Variants in KLK12 observed in about 807,000 individuals in gnomAD.
KLK12 encodes kallikrein-12.
Under a neutral mutation model 20.0 loss-of-function variants are expected in KLK12, and 23 were observed. The ratio of observed to expected loss-of-function variants is 1.15; its 90% CI spans 0.83 to 1.63. KLK12 has a LOEUF of 1.63. Ranked by LOEUF, KLK12 falls within the 40% of genes most tolerant of loss-of-function variation. The pLI is 0.00. For synonymous variants in KLK12, 147 were observed against 141.9 expected (o/e 1.04, Z -0.25); for missense variants, 351 against 338.6 (o/e 1.04, Z -0.29).
chr19:51,033,758 G>A (rs1241830164), intron 3 of KLK12: 14 of 602,434 alleles, frequency 2.3e-5, no homozygotes, highest in Non-Finnish European at 3.3e-5. Flanking sequence ...GAGGCAGGAG[G>A]GCAGGTTCCA....
At chr19:51,034,509 G>C in intron 2 of KLK12, 76 bp downstream of exon 2, 1 of 1,568,438 alleles carries the variant, frequency 6.4e-7, no homozygotes, top group East Asian at 2.3e-5. Context: ...GAGATGGGGA[G>C]GGTGGTGGGG....
rs151092558 is a variant in KLK12 at position 51,032,066 on chromosome 19, G to A, written c.267C>T (p.Ser89=). ...QLDWTEQIRH[S]GFSVTHPGYL... ...AGCCGGGATGGGTCACAGAGAAGCC[G>A]CTGTGCCGGATCTGCTCGGTCCAGT... The change falls in exon 4 of 6, where the codon AGC becomes AGT. Residue 89 remains serine, a synonymous_variant. Coordinates refer to ENST00000684732, the MANE Select transcript of KLK12 (RefSeq NM_001370125.1). 996 of 1,604,406 alleles carry A rather than the reference G, an allele frequency of 6.2e-4. 7 individuals carry two copies. The highest frequency in any genetic ancestry group is 2.5e-4 in the Non-Finnish European group (289 of 1,177,322).
chr19:51,034,095 A>G lies in KLK12; in HGVS notation c.82T>C (p.Cys28Arg), dbSNP rs1332928606. Residue 28 changes from cysteine (C) to arginine (R), a missense_variant, in exon 3 of 6, where the codon TGT becomes CGT. Coordinates refer to ENST00000684732, the MANE Select transcript of KLK12 (RefSeq NM_001370125.1). ...TGCCACGGCTGTGAGTTACGCCCACACTCAGTGCCATTGAAAATCTTCGGT... is the reference window on the plus strand; with the variant it reads ...TGCCACGGCTGTGAGTTACGCCCACGCTCAGTGCCATTGAAAATCTTCGGT... ...ATPKIFNGTECGRNSQPWQVG... is the reference protein window; with the variant it reads ...ATPKIFNGTERGRNSQPWQVG... The G allele has an allele frequency of 6.4e-7, 1 of 1,562,308 alleles. No individual in the cohort carries two copies. Among genetic ancestry groups the G allele is most frequent in the Admixed American group, 1.9e-5 (1 of 52,174 alleles).
intron 5 of KLK12, among the ~76,000 whole-genome samples, chr19:51,029,800 T>C (rs1478318677): frequency 6.6e-6 from 1 of 151,880 alleles, no homozygotes; most frequent in Non-Finnish European, 1.5e-5. Context: ...TCGAGCATTC[T>C]CTCAAGGACA....
chr19:51,031,005 C>A, intron 4 of KLK12, 84 bp from the exon 5 acceptor site: 2 of 1,529,596 alleles, frequency 1.3e-6, no homozygotes, highest in Non-Finnish European at 1.8e-6. Context: ...TGTGGCCCAT[C>A]CATGTCAATA....
chr19:51,034,238 G>C (rs867949299), intron 2 of KLK12, 99 bp from the exon 3 acceptor site: 2 of 1,371,368 alleles, frequency 1.5e-6, no homozygotes, highest in East Asian at 2.5e-5. Context: ...GAGAGAGAGA[G>C]GAGAAAGAGA....
chr19:51,029,550 G>A (rs1043141406), intron 5 of KLK12, 93 bp from the exon 6 acceptor site: 2 of 1,037,792 alleles, frequency 1.9e-6, no homozygotes, highest in African/African-American at 1.6e-5. Context: ...GCCTTGGGGA[G>A]GGCTCCAAGT....
intron 4 of KLK12, among the ~76,000 whole-genome samples, chr19:51,031,595 C>CATACATACATATATATATAT (rs6146546): frequency 2.5e-5 from 3 of 120,394 alleles, no homozygotes; most frequent in East Asian, 2.5e-4. Context: ...CCTATACATA[C>CATACATACATATATATATAT]ATATATATAT....
At chr19:51,034,273 A>C in intron 2 of KLK12, 134 bp from the exon 3 acceptor site, 1 of 1,219,998 alleles carries the variant, frequency 8.2e-7, no homozygotes, top group Non-Finnish European at 1.2e-6. Flanking sequence ...AGAAAGAGAG[A>C]GAGACCCAGT....
chr19:51,029,443 G>A lies in KLK12; in HGVS notation c.606C>T (p.Gly202=). 4 of 1,612,176 alleles carry A rather than the reference G, an allele frequency of 2.5e-6. No individual in the cohort carries two copies. Among genetic ancestry groups the A allele is most frequent in the South Asian group, 1.1e-5 (1 of 91,034 alleles). Residue 202 remains glycine, a synonymous_variant, in exon 6 of 6, where the codon GGC becomes GGT. Transcript: ENST00000684732. The part of the protein sequence containing the change: ...GQDACQGDSG[G]PLVCGGVLQG... Reference sequence around the variant, plus strand: ...GAAGGACTCCCCCACACACCAGGGGGCCCCCAGAATCACCCTGGAAGGGAA... The same window carrying A: ...GAAGGACTCCCCCACACACCAGGGGACCCCCAGAATCACCCTGGAAGGGAA...
Position 51,032,145 on chromosome 19 carries a change from G to GCGA in KLK12, c.198-13_198-11dup. The GCGA allele has an allele frequency of 6.3e-7, 1 of 1,593,612 alleles. No homozygotes were observed. Among genetic ancestry groups the GCGA allele is most frequent in the Non-Finnish European group, 8.5e-7 (1 of 1,175,290 alleles). ...GCGCACCCAGTACCTGCTGCCGGTG[G>GCGA]CGACGGCTGAGCGGGTGGCAGGCAC... On this transcript the variant is annotated splice_polypyrimidine_tract_variant and intron_variant, in intron 3 of 5. Transcript: ENST00000684732.
Position 51,029,515 on chromosome 19 carries a change from C to G in KLK12, c.592-58G>C. 2.1e-6 allele frequency: 3 copies of G among 1,432,024 alleles called. No individual in the cohort carries two copies. The South Asian group carries it at 3.4e-5, about 16-fold the overall frequency. 88.7% of individuals were successfully genotyped at this position (1,432,024 alleles called of 1,614,324 possible). A position where few individuals can be genotyped will look rare whatever the true frequency, so the allele number is the denominator to read the frequency against. ...GGAGACATCTTATTTCTGTTTTCCT[C>G]CCCAACCCTTCAACCCAGTCCTGGG... is the stretch of plus-strand genomic sequence containing the variant. On this transcript the variant is annotated intron_variant, in intron 5 of 5. Coordinates refer to ENST00000684732, the MANE Select transcript of KLK12 (RefSeq NM_001370125.1).
At position 51,032,462 on chromosome 19, in the gene KLK12, C is replaced by T. The variant is rs145808454; in HGVS notation, c.198-327G>A. Among the ~76,000 whole-genome samples the T allele has an allele frequency of 6.0e-3, 887 of 148,170 alleles. 5 individuals carry two copies. Among genetic ancestry groups the T allele is most frequent in the African/African-American group, 0.02 (820 of 40,186 alleles). On this transcript the variant is annotated intron_variant, in intron 3 of 5. Transcript: ENST00000684732. Reference sequence around the variant, plus strand: ...AGTGCAGTGGCACCATCTTGGCTCACTACAACCTCCACCTCCCAGGTTCAA... The same window carrying T: ...AGTGCAGTGGCACCATCTTGGCTCATTACAACCTCCACCTCCCAGGTTCAA...
At chr19:51,030,320 C>CATTATTATT (rs143678001) in intron 5 of KLK12, among the ~76,000 whole-genome samples, 18,903 of 134,470 alleles carry the variant, frequency 0.14, 1,529 homozygotes, top group East Asian at 0.29. Flanking sequence ...GCCTCTCCTC[C>CATTATTATT]ATTATTATTA....
intron 3 of KLK12, 53 bp from the exon 4 acceptor site, chr19:51,032,188 ACCCCTCC>A: frequency 6.7e-7 from 1 of 1,494,984 alleles, no homozygotes; most frequent in Non-Finnish European, 8.8e-7. Flanking sequence ...CCCACCTTGC[ACCCCTCC>A]ACGGACACTC....
rs2091595375 is a variant in KLK12 at position 51,034,744 on chromosome 19, C to T, written c.-20+62G>A. 4 of 1,536,034 alleles carry T rather than the reference C, an allele frequency of 2.6e-6. No homozygotes were observed. In the South Asian group the frequency reaches 3.7e-5, roughly 14 times the overall value. On this transcript the variant is annotated intron_variant, in intron 1 of 5. Transcript: ENST00000684732. ...TCACCAAGGGGATGACCTGCTTGTC[C>T]TCTCTCTACCTGCTCCCCTGTGTGT...
In KLK12 at chr19:51,032,129, G is replaced by GTAC. The variant is rs757384090; in HGVS notation, c.201_203dup (p.Arg67_Tyr68insTer). On this transcript the variant is annotated stop_gained, in exon 4 of 6. Coordinates refer to ENST00000684732, the MANE Select transcript of KLK12 (RefSeq NM_001370125.1). LOFTEE classifies it high-confidence loss of function. ...GGCTGTGTTCCCCCAGGCGCACCCA[G>GTAC]TACCTGCTGCCGGTGGCGACGGCTG... 7.5e-6 allele frequency: 12 copies of GTAC among 1,600,768 alleles called. No homozygotes were observed. The highest frequency in any genetic ancestry group is 1.0e-5 in the Non-Finnish European group (12 of 1,177,414).
intron 5 of KLK12, among the ~76,000 whole-genome samples, chr19:51,030,411 G>A (rs1212960667): frequency 6.6e-6 from 1 of 151,252 alleles, no homozygotes. Context: ...GTGCAGTGGC[G>A]TGATCTCAGC....
At chr19:51,031,813 C>T in intron 4 of KLK12, 63 bp downstream of exon 4, 1 of 1,563,454 alleles carries the variant, frequency 6.4e-7, no homozygotes, top group Non-Finnish European at 8.8e-7. Context: ...GATTCGACCT[C>T]TCGCCCTGCA....
Sources: allele counts gnomAD v4.1 joint callset (sites outside exome capture counted in the v4.1 genomes callset), GRCh38; gene constraint gnomAD v4.1.1; transcripts MANE v1.5; gene names NCBI Gene and HGNC (gene_info 2026-07-23, HGNC 2026-07-21).